Variants in ADGRB3 observed in about 807,000 individuals in gnomAD.
ADGRB3 encodes adhesion G protein-coupled receptor B3.
In ADGRB3, 37 loss-of-function variants were observed where a neutral mutation model predicts 193.4. The ratio of observed to expected loss-of-function variants is 0.19; its 90% CI spans 0.15 to 0.25. The LOEUF (loss-of-function observed/expected upper bound fraction) is 0.25, where lower values mean the gene tolerates loss of function less well. ADGRB3 is among the 10% of genes least tolerant of loss of function. ADGRB3 has a pLI of 1.00. For synonymous variants in ADGRB3, 690 were observed against 644.2 expected (o/e 1.07, Z -1.08); for missense variants, 1,637 against 1,852.9 (o/e 0.88, Z 2.14).
chr6:68,671,259 C>T (rs12201914), intron 3 of ADGRB3, among the ~76,000 whole-genome samples: 28,125 of 151,848 alleles, frequency 0.19, 3,396 homozygotes, highest in Non-Finnish European at 0.27. Context: ...TTTCTCTTGT[C>T]GGATTGCTCT....
chr6:69,154,344 G>T (rs1416995262), intron 17 of ADGRB3, among the ~76,000 whole-genome samples: 2 of 152,074 alleles, frequency 1.3e-5, no homozygotes, highest in African/African-American at 4.8e-5. Context: ...TCTTTTGGTT[G>T]TTTCCCACCT....
intron 20 of ADGRB3, among the ~76,000 whole-genome samples, chr6:69,321,994 A>G (rs1355046387): frequency 1.3e-5 from 2 of 151,310 alleles, no homozygotes; most frequent in Admixed American, 6.6e-5. Flanking sequence ...ATTTTTCCTG[A>G]TCTCCTTTCT....
In ADGRB3 at chr6:69,007,667, T is replaced by C. The variant is rs1769799187; in HGVS notation, c.1930-6371T>C. On this transcript the variant is annotated intron_variant, in intron 11 of 31. Transcript: ENST00000370598. Reference sequence around the variant, plus strand: ...CTGATGACTATCTAATCTAAAGTAATCTCTCTCTCTCTCTCTCTCTCTCTC... The same window carrying C: ...CTGATGACTATCTAATCTAAAGTAACCTCTCTCTCTCTCTCTCTCTCTCTC... 5.3e-5 allele frequency among the ~76,000 whole-genome samples: 6 copies of C among 113,132 alleles called. No homozygotes were observed. In the South Asian group the frequency reaches 1.6e-3, roughly 31 times the overall value. 74.2% of individuals were successfully genotyped at this position (113,132 alleles called of 152,430 possible).
chr6:69,324,973 A>G lies in ADGRB3; in HGVS notation c.2916A>G (p.Gly972=). ...GGCAATCATATATGGCTGTAACTGG[A>G]AAAATTAGGACACGGCTTATAAGAA... The part of the protein sequence containing the change: ...EAWQSYMAVT[G]KIRTRLIRKR... Residue 972 remains glycine (G), a synonymous_variant, in exon 21 of 32, where the codon GGA becomes GGG. Transcript: ENST00000370598. 6.2e-7 allele frequency: 1 copy of G among 1,613,886 alleles called. No homozygotes were observed.
intron 11 of ADGRB3, among the ~76,000 whole-genome samples, chr6:69,013,745 C>T (rs1048550312): frequency 6.6e-6 from 1 of 151,990 alleles, no homozygotes; most frequent in African/African-American, 2.4e-5. Context: ...AATAATTACA[C>T]AATGACATTA....
chr6:68,955,972 G>C, intron 6 of ADGRB3, 52 bp from the exon 7 acceptor site: 1 of 1,583,422 alleles, frequency 6.3e-7, no homozygotes, highest in East Asian at 2.3e-5. Context: ...TTTCTGTACA[G>C]CTTGTCCTAT....
chr6:69,017,009 T>A (rs1242554478), intron 12 of ADGRB3, among the ~76,000 whole-genome samples: 1 of 151,838 alleles, frequency 6.6e-6, no homozygotes, highest in Non-Finnish European at 1.5e-5. Context: ...TTCTTGAAAG[T>A]GGGATGATGG....
chr6:69,257,489 G>A (rs550623187), intron 20 of ADGRB3, among the ~76,000 whole-genome samples: 54 of 152,132 alleles, frequency 3.5e-4, no homozygotes, highest in African/African-American at 1.1e-3. Context: ...GTTTATTTGC[G>A]TAGAGGTGTT....
At chr6:69,326,130 C>T (rs1196775266) in intron 21 of ADGRB3, among the ~76,000 whole-genome samples, 1 of 152,118 alleles carries the variant, frequency 6.6e-6, no homozygotes, top group Non-Finnish European at 1.5e-5. Flanking sequence ...GTAGTCCCAG[C>T]TACTCGGGAG....
intron 20 of ADGRB3, among the ~76,000 whole-genome samples, chr6:69,315,396 T>G (rs1048332778): frequency 3.3e-5 from 5 of 151,562 alleles, no homozygotes; most frequent in African/African-American, 1.2e-4. Context: ...TAAGATGCAG[T>G]CAAACATCTT....
chr6:68,798,531 CA>C (rs1173736098), intron 3 of ADGRB3, among the ~76,000 whole-genome samples: 2 of 36,416 alleles, frequency 5.5e-5, no homozygotes, highest in African/African-American at 2.4e-4. Flanking sequence ...TGGGGCCTGT[CA>C]GGGGGTGGGG....
chr6:69,244,584 T>C (rs1766453537), intron 20 of ADGRB3, among the ~76,000 whole-genome samples: 1 of 152,120 alleles, frequency 6.6e-6, no homozygotes, highest in Non-Finnish European at 1.5e-5. Flanking sequence ...TTCTGCCTGA[T>C]ACCCTTTGAA....
intron 3 of ADGRB3, among the ~76,000 whole-genome samples, chr6:68,922,050 T>G (rs1767058747): frequency 6.6e-6 from 1 of 152,212 alleles, no homozygotes; most frequent in Non-Finnish European, 1.5e-5. Context: ...AATGTATATA[T>G]AACTACTGCT....
chr6:68,860,300 A>G lies in ADGRB3; in HGVS notation c.758-70259A>G, dbSNP rs1765117032. 1.3e-5 allele frequency among the ~76,000 whole-genome samples: 2 copies of G among 152,226 alleles called. 1 individual carries two copies. The highest frequency in any genetic ancestry group is 4.1e-4 in the South Asian group (2 of 4,832). ...GATTTGTTACATGGATATATTGTCC[A>G]ATAGTGACATCTGGGCTTCTAGTGT... On this transcript the variant is annotated intron_variant, in intron 3 of 31. Coordinates refer to ENST00000370598, the MANE Select transcript of ADGRB3 (RefSeq NM_001704.3).
intron 20 of ADGRB3, among the ~76,000 whole-genome samples, chr6:69,295,012 C>A (rs1167643467): frequency 3.3e-5 from 5 of 152,062 alleles, no homozygotes; most frequent in African/African-American, 1.2e-4. Flanking sequence ...GTTTCTGTGC[C>A]TTTGCTTATA....
intron 20 of ADGRB3, among the ~76,000 whole-genome samples, chr6:69,308,296 A>C (rs1768106827): frequency 6.6e-6 from 1 of 151,498 alleles, no homozygotes; most frequent in Non-Finnish European, 1.5e-5. Flanking sequence ...CCTGTTTAGC[A>C]CAAGGATCAA....
intron 17 of ADGRB3, among the ~76,000 whole-genome samples, chr6:69,207,979 G>A (rs1429096423): frequency 6.6e-6 from 1 of 152,174 alleles, no homozygotes; most frequent in African/African-American, 2.4e-5. Flanking sequence ...CTGCCACCAG[G>A]TAGTTGGCTG....
At chr6:68,731,878 A>C (rs552992948) in intron 3 of ADGRB3, among the ~76,000 whole-genome samples, 1 of 151,800 alleles carries the variant, frequency 6.6e-6, no homozygotes, top group East Asian at 1.9e-4. Flanking sequence ...TAAATTAAGA[A>C]ATCTAAACAT....
At chr6:69,215,908 C>A (rs1426107968) in intron 17 of ADGRB3, among the ~76,000 whole-genome samples, 1 of 152,142 alleles carries the variant, frequency 6.6e-6, no homozygotes, top group Non-Finnish European at 1.5e-5. Context: ...TCCTTTAATT[C>A]TTTTCCACAG....
Sources: allele counts gnomAD v4.1 joint callset (sites outside exome capture counted in the v4.1 genomes callset), GRCh38; gene constraint gnomAD v4.1.1; transcripts MANE v1.5; gene names NCBI Gene and HGNC (gene_info 2026-07-23, HGNC 2026-07-21).